Variants in LRP1B observed in about 807,000 individuals in gnomAD.
The protein encoded by LRP1B is low-density lipoprotein receptor-related protein 1B.
LRP1B carries 217 observed loss-of-function variants against 556.6 expected under a neutral mutation model. The observed-to-expected ratio is 0.39, with a 90% CI of 0.35 to 0.44. The LOEUF (loss-of-function observed/expected upper bound fraction) is 0.44, where lower values mean the gene tolerates loss of function less well. Ranked by LOEUF, LRP1B falls within the 20% of genes least tolerant of loss-of-function variation. LRP1B has a pLI of 1.00. For missense variants in LRP1B, 5,053 were observed against 5,620.8 expected (o/e 0.90, Z 3.23); for synonymous variants, 2,047 against 1,865.8 (o/e 1.10, Z -2.50).
At chr2:142,040,856 TGACAGCCAA>T (rs1342039371) in intron 1 of LRP1B, among the ~76,000 whole-genome samples, 14 of 151,312 alleles carry the variant, frequency 9.3e-5, no homozygotes, top group Admixed American at 6.6e-5. Flanking sequence ...TGTAGCTAAT[TGACAGCCAA>T]GACATATAGG....
chr2:140,316,761 TAAC>T (rs1684536657), intron 82 of LRP1B, among the ~76,000 whole-genome samples: 1 of 151,320 alleles, frequency 6.6e-6, no homozygotes, highest in African/African-American at 2.5e-5. Flanking sequence ...TATAAAATTG[TAAC>T]ACTTTGTAAA....
At chr2:140,641,463 T>A (rs1323792601) in intron 41 of LRP1B, among the ~76,000 whole-genome samples, 1 of 152,198 alleles carries the variant, frequency 6.6e-6, no homozygotes, top group Admixed American at 6.5e-5. Flanking sequence ...ATTTCTAAAG[T>A]TTTCCAAAAT....
intron 1 of LRP1B, among the ~76,000 whole-genome samples, chr2:142,024,145 G>A (rs1012341478): frequency 5.3e-5 from 8 of 152,300 alleles, no homozygotes; most frequent in African/African-American, 1.7e-4. Context: ...CAAGGCAGCT[G>A]TATGAAGAGC....
rs137867701 is a variant in LRP1B at position 140,461,411 on chromosome 2, T to C, written c.9626-3760A>G. 3.1e-3 allele frequency among the ~76,000 whole-genome samples: 473 copies of C among 152,316 alleles called. 1 individual carries two copies. Among genetic ancestry groups the C allele is most frequent in the African/African-American group, 0.011 (447 of 41,564 alleles). On this transcript the variant is annotated intron_variant, in intron 60 of 90. Transcript: ENST00000389484. ...CAGGGCTTTCTGCACTGAGTTAGTA[T>C]GTCAATAGACATTTCACTAGTAATA...
intron 41 of LRP1B, among the ~76,000 whole-genome samples, chr2:140,611,288 C>T (rs946549323): frequency 3.9e-5 from 6 of 152,150 alleles, no homozygotes; most frequent in Non-Finnish European, 8.8e-5. Context: ...GAACCACTTA[C>T]ACTGTCTTTA....
chr2:141,989,938 C>A (rs1219094518), intron 1 of LRP1B, among the ~76,000 whole-genome samples: 1 of 152,076 alleles, frequency 6.6e-6, no homozygotes, highest in Non-Finnish European at 1.5e-5. Context: ...TTTTAGTAGA[C>A]ATCTCATGCT....
intron 1 of LRP1B, among the ~76,000 whole-genome samples, chr2:142,018,593 C>T (rs1703226960): frequency 6.6e-6 from 1 of 151,718 alleles, no homozygotes; most frequent in African/African-American, 2.4e-5. Flanking sequence ...TCTGTTTTTG[C>T]CTAATTTTAT....
At chr2:141,938,571 A>G (rs1574509926) in intron 1 of LRP1B, among the ~76,000 whole-genome samples, 1 of 152,164 alleles carries the variant, frequency 6.6e-6, no homozygotes, top group South Asian at 2.1e-4. Flanking sequence ...CATACAATCC[A>G]GCAATCCTTT....
chr2:141,213,627 C>G (rs1682660585), intron 6 of LRP1B, among the ~76,000 whole-genome samples: 1 of 152,208 alleles, frequency 6.6e-6, no homozygotes, highest in South Asian at 2.1e-4. Context: ...TTATTTTTCT[C>G]ATCAACACTA....
intron 3 of LRP1B, among the ~76,000 whole-genome samples, chr2:141,475,259 T>C (rs1365838164): frequency 6.6e-6 from 1 of 152,076 alleles, no homozygotes; most frequent in Non-Finnish European, 1.5e-5. Flanking sequence ...CCCAGCTACT[T>C]GGGACACTGA....
At chr2:140,950,437 T>G (rs766525490) in intron 19 of LRP1B, 35 bp from the exon 20 acceptor site, 1 of 1,532,628 alleles carries the variant, frequency 6.5e-7, no homozygotes, top group Non-Finnish European at 8.8e-7. Flanking sequence ...CAGTGAAATC[T>G]GAACCATGAA....
chr2:141,370,727 G>A lies in LRP1B; in HGVS notation c.343+109669C>T, dbSNP rs1689200005. Among the ~76,000 whole-genome samples, 7 of 152,162 alleles carry A rather than the reference G, an allele frequency of 4.6e-5. No individual in the cohort carries two copies. The South Asian group carries it at 1.5e-3, about 32-fold the overall frequency. On this transcript the variant is annotated intron_variant, in intron 3 of 90. Coordinates refer to ENST00000389484, the MANE Select transcript of LRP1B (RefSeq NM_018557.3). ...ATTCGTGAATTCTTTGCCTAGACCA[G>A]TGTCTAGAAGAGTATTCCCCAGGTT...
intron 1 of LRP1B, among the ~76,000 whole-genome samples, chr2:142,075,021 A>G (rs1705448187): frequency 6.6e-6 from 1 of 152,166 alleles, no homozygotes; most frequent in East Asian, 1.9e-4. Flanking sequence ...TAGCTCTTTC[A>G]CCATTCCAAA....
At chr2:140,794,016 T>C (rs1229805520) in intron 32 of LRP1B, among the ~76,000 whole-genome samples, 1 of 152,136 alleles carries the variant, frequency 6.6e-6, no homozygotes, top group Non-Finnish European at 1.5e-5. Context: ...CTTATGCTTA[T>C]ACCTGGAAAT....
chr2:141,588,140 C>T (rs1687204722), intron 2 of LRP1B, among the ~76,000 whole-genome samples: 1 of 152,158 alleles, frequency 6.6e-6, no homozygotes, highest in African/African-American at 2.4e-5. Context: ...TATAAGTTAT[C>T]TTGAGATATA....
At chr2:140,255,130 ATTAGTC>A (rs1681619734) in intron 86 of LRP1B, among the ~76,000 whole-genome samples, 1 of 152,204 alleles carries the variant, frequency 6.6e-6, no homozygotes, top group Non-Finnish European at 1.5e-5. Flanking sequence ...ATAAATGTTA[ATTAGTC>A]ATAAAACTCT....
chr2:140,571,920 G>A (rs1269702845), intron 43 of LRP1B, among the ~76,000 whole-genome samples: 1 of 151,694 alleles, frequency 6.6e-6, no homozygotes, highest in East Asian at 1.9e-4. Context: ...AATAAGTGGT[G>A]TTGGGAAAAC....
At chr2:140,711,429 A>T (rs1327150427) in intron 37 of LRP1B, among the ~76,000 whole-genome samples, 1 of 151,878 alleles carries the variant, frequency 6.6e-6, no homozygotes, top group Non-Finnish European at 1.5e-5. Flanking sequence ...ACCCTGGTCT[A>T]CTCTTGACTT....
chr2:140,828,943 C>A (rs989311503), intron 31 of LRP1B, among the ~76,000 whole-genome samples: 12 of 151,532 alleles, frequency 7.9e-5, no homozygotes, highest in Admixed American at 2.0e-4. Flanking sequence ...AAGAAGATAG[C>A]CCATGTAAAT....
Sources: allele counts gnomAD v4.1 joint callset (sites outside exome capture counted in the v4.1 genomes callset), GRCh38; gene constraint gnomAD v4.1.1; transcripts MANE v1.5; gene names NCBI Gene and HGNC (gene_info 2026-07-23, HGNC 2026-07-21).